The following DPP10 variants were observed in gnomAD, a reference collection of about 807,000 sequenced individuals.
DPP10 encodes dipeptidyl peptidase like 10, also known as inactive dipeptidyl peptidase 10.
DPP10 carries 33 observed loss-of-function variants against 120.9 expected under a neutral mutation model. The observed-to-expected ratio is 0.27, with a 90% confidence interval of 0.21 to 0.37. The LOEUF (loss-of-function observed/expected upper bound fraction) is 0.37, where lower values mean the gene tolerates loss of function less well. DPP10 is among the 10% of genes least tolerant of loss of function. The probability of loss-of-function intolerance (pLI) is 1.00; values close to 1 mark genes in which losing one functional copy is unlikely to be tolerated. For missense variants in DPP10, 816 were observed against 942.8 expected (o/e 0.87, Z 1.76); for synonymous variants, 337 against 326.1 (o/e 1.03, Z -0.36).
At chr2:115,474,766 C>T (rs1335238536) in intron 3 of DPP10, among the ~76,000 whole-genome samples, 1 of 148,764 alleles carries the variant, frequency 6.7e-6, no homozygotes, top group African/African-American at 2.5e-5. Context: ...GGGAGGAATT[C>T]AAGCAGGTGG....
chr2:114,592,017 T>G (rs1012588481), intron 1 of DPP10, among the ~76,000 whole-genome samples: 13 of 147,366 alleles, frequency 8.8e-5, no homozygotes, highest in Non-Finnish European at 1.6e-4. Context: ...ACAATAGTGA[T>G]GCATGCAGAC....
chr2:115,400,642 C>G (rs570678647), intron 3 of DPP10, among the ~76,000 whole-genome samples: 26 of 152,194 alleles, frequency 1.7e-4, no homozygotes, highest in African/African-American at 6.0e-4. Context: ...ATGTTGAACC[C>G]TAGTAACTCA....
At chr2:115,654,986 C>G (rs932215059) in intron 5 of DPP10, among the ~76,000 whole-genome samples, 3 of 151,692 alleles carry the variant, frequency 2.0e-5, no homozygotes, top group African/African-American at 7.3e-5. Flanking sequence ...AAATTCTACA[C>G]TTATTTTCTA....
intron 1 of DPP10, among the ~76,000 whole-genome samples, chr2:114,823,607 G>T (rs552085258): frequency 2.4e-4 from 37 of 152,104 alleles, no homozygotes; most frequent in Non-Finnish European, 4.4e-5. Context: ...CAGGGTTATG[G>T]GAACACAAAA....
intron 1 of DPP10, among the ~76,000 whole-genome samples, chr2:114,839,549 C>T (rs1025343683): frequency 1.3e-5 from 2 of 152,136 alleles, no homozygotes; most frequent in Admixed American, 6.6e-5. Flanking sequence ...TAGTGATTTT[C>T]GTTAAGTAAC....
chr2:114,719,637 C>T (rs957423078), intron 1 of DPP10, among the ~76,000 whole-genome samples: 1 of 152,098 alleles, frequency 6.6e-6, no homozygotes. Flanking sequence ...GTTGTAGGGA[C>T]CAATTTCCCC....
intron 1 of DPP10, among the ~76,000 whole-genome samples, chr2:114,967,120 G>GTT: frequency 6.6e-6 from 1 of 152,192 alleles, no homozygotes; most frequent in South Asian, 2.1e-4. Context: ...TTTTCAATGA[G>GTT]TTTTGCTACC....
intron 10 of DPP10, among the ~76,000 whole-genome samples, chr2:115,751,575 A>AAGTT (rs1166900454): frequency 1.3e-5 from 2 of 152,146 alleles, no homozygotes; most frequent in Non-Finnish European, 2.9e-5. Flanking sequence ...CTTGTATGTC[A>AAGTT]AGTTATGCTT....
At chr2:115,381,113 G>T (rs1204294454) in intron 3 of DPP10, among the ~76,000 whole-genome samples, 1 of 152,016 alleles carries the variant, frequency 6.6e-6, no homozygotes, top group East Asian at 1.9e-4. Flanking sequence ...TTGCTAAATT[G>T]GGGAAATTCT....
chr2:114,741,040 T>TG (rs1678009175), intron 1 of DPP10, among the ~76,000 whole-genome samples: 1 of 152,240 alleles, frequency 6.6e-6, no homozygotes, highest in Admixed American at 6.5e-5. Flanking sequence ...ATTTGTGGCA[T>TG]TTATGTTATT....
intron 3 of DPP10, among the ~76,000 whole-genome samples, chr2:115,392,895 T>G (rs749168513): frequency 6.6e-5 from 10 of 152,304 alleles, no homozygotes; most frequent in Middle Eastern, 3.4e-3. Flanking sequence ...AAGAATCCAT[T>G]ACCTTCAAAA....
chr2:115,229,751 T>TATTCC (rs962186292), intron 1 of DPP10, among the ~76,000 whole-genome samples: 4 of 146,234 alleles, frequency 2.7e-5, no homozygotes, highest in African/African-American at 1.0e-4. Context: ...TATTCTATTC[T>TATTCC]ATTGGTCTAT....
At chr2:114,740,023 C>G (rs533134816) in intron 1 of DPP10, among the ~76,000 whole-genome samples, 33 of 152,060 alleles carry the variant, frequency 2.2e-4, no homozygotes, top group Admixed American at 5.9e-4. Context: ...ACCCAAAGGA[C>G]TATAAATCAT....
At chr2:115,783,199 T>G (rs1246318802) in intron 17 of DPP10, among the ~76,000 whole-genome samples, 1 of 152,116 alleles carries the variant, frequency 6.6e-6, no homozygotes, top group African/African-American at 2.4e-5. Flanking sequence ...GGAATACCTC[T>G]GAGATAGTTA....
intron 5 of DPP10, among the ~76,000 whole-genome samples, chr2:115,533,292 G>A (rs574939892): frequency 8.5e-5 from 13 of 152,082 alleles, no homozygotes; most frequent in East Asian, 5.8e-4. Context: ...CCTTTAAATC[G>A]TGTCTACTAG....
At chr2:114,999,365 A>G (rs758500691) in intron 1 of DPP10, among the ~76,000 whole-genome samples, 7 of 152,144 alleles carry the variant, frequency 4.6e-5, no homozygotes, top group Non-Finnish European at 8.8e-5. Flanking sequence ...TCTGAATTGC[A>G]TTAATCTCAA....
At chr2:114,783,749 G>A (rs1334966567) in intron 1 of DPP10, among the ~76,000 whole-genome samples, 1 of 151,904 alleles carries the variant, frequency 6.6e-6, no homozygotes, top group Non-Finnish European at 1.5e-5. Flanking sequence ...TGGGAGGATT[G>A]CTTGAGCCCA....
At chr2:115,489,892 A>G (rs571965139) in intron 3 of DPP10, among the ~76,000 whole-genome samples, 4 of 152,198 alleles carry the variant, frequency 2.6e-5, no homozygotes, top group South Asian at 2.1e-4. Flanking sequence ...GACATTTACC[A>G]TCTATTCTCT....
At chr2:114,797,399 A>T in intron 1 of DPP10, among the ~76,000 whole-genome samples, 1 of 152,180 alleles carries the variant, frequency 6.6e-6, no homozygotes, top group East Asian at 1.9e-4. Context: ...TCCCTGGGTG[A>T]TCTTGGGCAA....
Sources: gnomAD v4.1 joint callset for allele counts (sites outside exome capture counted in the v4.1 genomes callset) on GRCh38, gnomAD v4.1.1 for gene constraint, MANE v1.5 for transcripts, NCBI Gene and HGNC (gene_info 2026-07-23, HGNC 2026-07-21) for gene names.